OR14I1: variants seen among roughly 807,000 people sequenced by gnomAD.
The protein encoded by OR14I1 is olfactory receptor 14I1.
For synonymous variants in OR14I1, 118 were observed against 71.1 expected (o/e 1.66, Z -3.32); for missense variants, 279 against 181.8 (o/e 1.53, Z -3.07).
chr1:248,699,933 A>G, the OR14I1 span, among the ~76,000 whole-genome samples: 1 of 151,994 alleles, frequency 6.6e-6, no homozygotes, highest in Non-Finnish European at 1.5e-5. Context: ...AATTTTTTAT[A>G]TTTTTATTAG....
chr1:248,679,394 T>G (rs1661523356), downstream of OR14I1, among the ~76,000 whole-genome samples: 1 of 151,638 alleles, frequency 6.6e-6, no homozygotes, highest in Non-Finnish European at 1.5e-5. Context: ...AGTACTAATA[T>G]AATATATATT....
the OR14I1 span, among the ~76,000 whole-genome samples, chr1:248,695,358 C>A: frequency 0.17 from 25,476 of 150,980 alleles, 2,550 homozygotes; most frequent in African/African-American, 0.28. Context: ...CTCAGCCTCC[C>A]GAGTAGCTGG....
At chr1:248,700,006 T>C in the OR14I1 span, among the ~76,000 whole-genome samples, 21 of 152,174 alleles carry the variant, frequency 1.4e-4, no homozygotes, top group Non-Finnish European at 4.4e-5. Flanking sequence ...GTGATCCGCC[T>C]GCCTTGGCCT....
At chr1:248,679,406 T>C (rs1282787062), downstream of OR14I1, among the ~76,000 whole-genome samples, 1 of 151,568 alleles carries the variant, frequency 6.6e-6, no homozygotes, top group African/African-American at 2.4e-5. Flanking sequence ...ATATATATTG[T>C]AATATATATT....
At chr1:248,685,187 A>T (rs6700236), upstream of OR14I1, among the ~76,000 whole-genome samples, 1 of 151,534 alleles carries the variant, frequency 6.6e-6, no homozygotes, top group Non-Finnish European at 1.5e-5. Flanking sequence ...CACATATTAA[A>T]GTAATAATCT....
the OR14I1 span, among the ~76,000 whole-genome samples, chr1:248,688,032 GT>G: frequency 2.0e-5 from 3 of 152,162 alleles, no homozygotes; most frequent in Admixed American, 6.5e-5. Flanking sequence ...GATCATTAAT[GT>G]TTTTTTATTT....
chr1:248,693,286 C>G, the OR14I1 span, among the ~76,000 whole-genome samples: 1 of 152,150 alleles, frequency 6.6e-6, no homozygotes, highest in Non-Finnish European at 1.5e-5. Context: ...CGGCCAGGAG[C>G]ATTGACTATT....
At chr1:248,700,602 T>C in the OR14I1 span, among the ~76,000 whole-genome samples, 1 of 152,260 alleles carries the variant, frequency 6.6e-6, no homozygotes, top group Non-Finnish European at 1.5e-5. Flanking sequence ...GTTTCTGTCA[T>C]GACAACTTGT....
At chr1:248,701,717 T>C in the OR14I1 span, among the ~76,000 whole-genome samples, 2 of 152,102 alleles carry the variant, frequency 1.3e-5, no homozygotes, top group Non-Finnish European at 2.9e-5. Context: ...GAGAGCGATA[T>C]CACCAAGATG....
chr1:248,697,477 T>TAA, the OR14I1 span, among the ~76,000 whole-genome samples: 1,107 of 127,650 alleles, frequency 8.7e-3, 14 homozygotes, highest in African/African-American at 0.028. Flanking sequence ...TGGTTAGGTT[T>TAA]AAAAAAAAAA....
chr1:248,693,021 G>A, the OR14I1 span, among the ~76,000 whole-genome samples: 1 of 152,206 alleles, frequency 6.6e-6, no homozygotes, highest in Admixed American at 6.5e-5. Flanking sequence ...TTTCCCTGAA[G>A]GTTATAGGGT....
At chr1:248,690,277 A>G in the OR14I1 span, among the ~76,000 whole-genome samples, 1 of 152,180 alleles carries the variant, frequency 6.6e-6, no homozygotes. Context: ...CAAAAAAACA[A>G]TGAAATCAGG....
chr1:248,696,182 C>T, the OR14I1 span, among the ~76,000 whole-genome samples: 3 of 152,218 alleles, frequency 2.0e-5, no homozygotes, highest in Non-Finnish European at 4.4e-5. Context: ...CTTGGTGTCA[C>T]ATACTACTCA....
At chr1:248,680,825 T>G (rs922074920), downstream of OR14I1, among the ~76,000 whole-genome samples, 2 of 152,148 alleles carry the variant, frequency 1.3e-5, no homozygotes, top group Admixed American at 1.3e-4. Context: ...TCCTGACAGA[T>G]TTCTAAAAAT....
chr1:248,685,142 G>T (rs1661627418), upstream of OR14I1, among the ~76,000 whole-genome samples: 1 of 151,528 alleles, frequency 6.6e-6, no homozygotes, highest in Admixed American at 6.6e-5. Flanking sequence ...TTTTTCCACT[G>T]TTTTCTTTGA....
At chr1:248,693,810 G>A in the OR14I1 span, among the ~76,000 whole-genome samples, 59 of 149,536 alleles carry the variant, frequency 3.9e-4, no homozygotes, top group Admixed American at 8.7e-4. Context: ...GAAAATCGTC[G>A]TTCCTCTCAC....
the OR14I1 span, among the ~76,000 whole-genome samples, chr1:248,693,853 C>G: frequency 6.6e-6 from 1 of 151,426 alleles, no homozygotes; most frequent in African/African-American, 2.4e-5. Flanking sequence ...TATTAACTTG[C>G]CTGGTATGCT....
At chr1:248,701,910 C>T in the OR14I1 span, among the ~76,000 whole-genome samples, 27 of 152,090 alleles carry the variant, frequency 1.8e-4, 1 homozygote, top group Admixed American at 1.5e-3. Flanking sequence ...AATTGGCTCA[C>T]GGTTCTGCAG....
upstream of OR14I1, among the ~76,000 whole-genome samples, chr1:248,683,523 C>T (rs1052549160): frequency 1.3e-5 from 2 of 152,116 alleles, no homozygotes. Context: ...AAATGCTATC[C>T]CTTGCTACCA....
Sources: allele counts gnomAD v4.1 joint callset (sites outside exome capture counted in the v4.1 genomes callset), GRCh38; gene constraint gnomAD v4.1.1; transcripts MANE v1.5; gene names NCBI Gene and HGNC (gene_info 2026-07-23, HGNC 2026-07-21).